PAPPA2: variants seen among roughly 807,000 people sequenced by gnomAD.
PAPPA2 encodes the protein pappalysin 2, also known as pappalysin-2.
PAPPA2 carries 86 observed loss-of-function variants against 176.4 expected under a neutral mutation model. The observed-to-expected ratio is 0.49, with a 90% CI of 0.41 to 0.58. The LOEUF is 0.58. Among genes scored for constraint, PAPPA2 ranks in the 20% least tolerant of loss-of-function variants. The pLI is 0.00. For synonymous variants in PAPPA2, 809 were observed against 852.2 expected (o/e 0.95, Z 0.88); for missense variants, 2,073 against 2,256.9 (o/e 0.92, Z 1.65).
At chr1:176,584,839 A>G (rs1653214144) in intron 2 of PAPPA2, among the ~76,000 whole-genome samples, 2 of 151,988 alleles carry the variant, frequency 1.3e-5, no homozygotes, top group Admixed American at 6.6e-5. Context: ...GGTTGAAGCA[A>G]TTCTCTGCCT....
chr1:176,611,482 A>G (rs942524307), intron 3 of PAPPA2, among the ~76,000 whole-genome samples: 15 of 152,146 alleles, frequency 9.9e-5, no homozygotes, highest in Admixed American at 4.6e-4. Flanking sequence ...AGTTTGTTCT[A>G]CCCCTTTTCC....
intron 21 of PAPPA2, among the ~76,000 whole-genome samples, chr1:176,821,168 G>A (rs868199365): frequency 6.6e-6 from 1 of 152,164 alleles, no homozygotes; most frequent in South Asian, 2.1e-4. Flanking sequence ...TACCTACGAT[G>A]TGTTGAGATT....
intron 1 of PAPPA2, among the ~76,000 whole-genome samples, chr1:176,505,061 T>C (rs1330368938): frequency 1.1e-4 from 16 of 152,080 alleles, no homozygotes; most frequent in Admixed American, 9.2e-4. Context: ...TGAAAATCCT[T>C]AATAAAACAG....
chr1:176,712,008 G>T (rs1393476614), intron 12 of PAPPA2, 27 bp downstream of exon 12: 1 of 1,600,072 alleles, frequency 6.2e-7, no homozygotes, highest in South Asian at 1.1e-5. Flanking sequence ...TTTCTTTTGT[G>T]CATGTGAAAG....
intron 3 of PAPPA2, among the ~76,000 whole-genome samples, chr1:176,600,915 G>T (rs1215532287): frequency 6.6e-6 from 1 of 152,132 alleles, no homozygotes; most frequent in Non-Finnish European, 1.5e-5. Context: ...GTTGATGTAT[G>T]AACAACTCTC....
chr1:176,537,551 AAAG>A (rs1650130144), intron 1 of PAPPA2, among the ~76,000 whole-genome samples: 1 of 152,208 alleles, frequency 6.6e-6, no homozygotes, highest in Non-Finnish European at 1.5e-5. Context: ...CTGGCGCATC[AAAG>A]AAGGTGTACA....
Position 176,671,011 on chromosome 1 carries a change from T to C in PAPPA2, c.2033T>C (p.Leu678Pro). The change falls in exon 4 of 23, where the codon CTG (leucine) becomes CCG (proline). Residue 678 changes from leucine to proline, a missense_variant. Leu to Pro is a moderately conservative substitution (Grantham distance 98, BLOSUM62 -3). Transcript: ENST00000367662. Reference sequence around the variant, plus strand: ...AAGGAGCTGAAGGAGGCCCTGCAGCTGAACAGTACTCACTTCCTCAACATC... The same window carrying C: ...AAGGAGCTGAAGGAGGCCCTGCAGCCGAACAGTACTCACTTCCTCAACATC... ...SVKELKEALQLNSTHFLNIYF... is the reference protein window; with the variant it reads ...SVKELKEALQPNSTHFLNIYF... The C allele has an allele frequency of 6.2e-7, 1 of 1,613,986 alleles. No individual in the cohort carries two copies. Among genetic ancestry groups the C allele is most frequent in the East Asian group, 2.2e-5 (1 of 44,866 alleles).
chr1:176,656,860 T>G (rs183088355), intron 3 of PAPPA2, among the ~76,000 whole-genome samples: 155 of 150,542 alleles, frequency 1.0e-3, no homozygotes, highest in Non-Finnish European at 1.6e-3. Context: ...AGACTTTCTG[T>G]TTTTTTTTGA....
At position 176,699,209 on chromosome 1, in the gene PAPPA2, C is replaced by T; in HGVS notation, c.2856C>T (p.Ser952=). 1 of 1,614,172 alleles carries T rather than the reference C, an allele frequency of 6.2e-7. No homozygotes were observed. The highest frequency in any genetic ancestry group is 8.5e-7 in the Non-Finnish European group (1 of 1,180,018). Residue 952 remains serine, a synonymous_variant, in exon 8 of 23, where the codon AGC becomes AGT. Transcript: ENST00000367662. The part of the protein sequence containing the change: ...MTVPCPTEGC[S]LELLFQHPVQ... Reference sequence around the variant, plus strand: ...TCCCCTGCCCCACAGAAGGCTGTAGCTTGGAGCTGCTCTTCCAACACCCGG... The same window carrying T: ...TCCCCTGCCCCACAGAAGGCTGTAGTTTGGAGCTGCTCTTCCAACACCCGG...
At chr1:176,632,303 G>C (rs535184206) in intron 3 of PAPPA2, among the ~76,000 whole-genome samples, 1 of 151,604 alleles carries the variant, frequency 6.6e-6, no homozygotes, top group Non-Finnish European at 1.5e-5. Flanking sequence ...ACAAAATGCT[G>C]CAACTGATTC....
At chr1:176,623,259 C>T (rs370014287) in intron 3 of PAPPA2, among the ~76,000 whole-genome samples, 7 of 152,228 alleles carry the variant, frequency 4.6e-5, no homozygotes, top group African/African-American at 1.7e-4. Context: ...AATGTTTTTC[C>T]CTTTCTCATT....
At chr1:176,792,124 A>G (rs1665203296) in intron 19 of PAPPA2, among the ~76,000 whole-genome samples, 3 of 152,182 alleles carry the variant, frequency 2.0e-5, no homozygotes, top group Admixed American at 2.0e-4. Flanking sequence ...TTCATGCATC[A>G]TTCTTCAGCC....
chr1:176,490,333 T>C (rs1264685621), intron 1 of PAPPA2, among the ~76,000 whole-genome samples: 1 of 152,184 alleles, frequency 6.6e-6, no homozygotes, highest in East Asian at 1.9e-4. Context: ...AAATGAGTGA[T>C]AGACCTTTAG....
intron 1 of PAPPA2, among the ~76,000 whole-genome samples, chr1:176,498,925 G>A (rs1192087138): frequency 6.6e-6 from 1 of 152,100 alleles, no homozygotes; most frequent in Non-Finnish European, 1.5e-5. Context: ...TTCAGCCAGT[G>A]TATTACTATT....
At chr1:176,519,080 TCA>T (rs766092103) in intron 1 of PAPPA2, among the ~76,000 whole-genome samples, 2 of 152,226 alleles carry the variant, frequency 1.3e-5, no homozygotes, top group Non-Finnish European at 2.9e-5. Flanking sequence ...ATGGTAAAAG[TCA>T]CACAGAGTAT....
At chr1:176,712,704 T>G (rs1259260905) in intron 12 of PAPPA2, among the ~76,000 whole-genome samples, 1 of 152,224 alleles carries the variant, frequency 6.6e-6, no homozygotes, top group African/African-American at 2.4e-5. Context: ...ATGGGTATAT[T>G]TGGAACTGCC....
intron 1 of PAPPA2, among the ~76,000 whole-genome samples, chr1:176,513,957 G>A (rs2902051): frequency 0.82 from 125,238 of 152,072 alleles, 51,745 homozygotes; most frequent in East Asian, 1. Flanking sequence ...GCACCACAAA[G>A]GGCTCTCATA....
chr1:176,761,690 C>A (rs1328290197), intron 14 of PAPPA2, among the ~76,000 whole-genome samples: 1 of 152,168 alleles, frequency 6.6e-6, no homozygotes, highest in South Asian at 2.1e-4. Context: ...GGAGATGGCC[C>A]GGTGGTCTAG....
At chr1:176,753,325 T>C (rs1464881197) in intron 14 of PAPPA2, among the ~76,000 whole-genome samples, 2 of 152,180 alleles carry the variant, frequency 1.3e-5, no homozygotes, top group Non-Finnish European at 1.5e-5. Context: ...CTATTATCTG[T>C]CATGCTGCTT....
Sources: allele counts gnomAD v4.1 joint callset (sites outside exome capture counted in the v4.1 genomes callset), GRCh38; gene constraint gnomAD v4.1.1; transcripts MANE v1.5; gene names NCBI Gene and HGNC (gene_info 2026-07-23, HGNC 2026-07-21).